Variants in PAX5 observed in about 807,000 individuals in gnomAD.
The protein encoded by PAX5 is paired box 5, also known as paired box protein Pax-5.
Under a neutral mutation model 43.7 loss-of-function variants are expected in PAX5, and 9 were observed. The observed-to-expected ratio is 0.21, with a 90% CI of 0.12 to 0.36. PAX5 has a LOEUF of 0.36. PAX5 is among the 10% of genes least tolerant of loss of function. PAX5 has a pLI of 1.00. For synonymous variants in PAX5, 228 were observed against 214.3 expected, an observed-to-expected ratio of 1.06 and a Z score of -0.56; for missense variants, 383 against 532.7, an observed-to-expected ratio of 0.72 and a Z score of 2.77.
intron 8 of PAX5, among the ~76,000 whole-genome samples, chr9:36,849,466 C>A (rs1822927991): frequency 6.6e-6 from 1 of 152,200 alleles, no homozygotes; most frequent in Non-Finnish European, 1.5e-5. Flanking sequence ...TTGATCCCAA[C>A]CTCTAGCACA....
intron 6 of PAX5, among the ~76,000 whole-genome samples, chr9:36,952,712 A>G (rs60670686): frequency 0.12 from 18,585 of 152,092 alleles, 1,665 homozygotes; most frequent in African/African-American, 0.25. Context: ...TTCACCTTCA[A>G]ATGATACTAT....
At chr9:37,000,679 G>A (rs1837768120) in intron 5 of PAX5, among the ~76,000 whole-genome samples, 2 of 152,168 alleles carry the variant, frequency 1.3e-5, no homozygotes, top group South Asian at 4.1e-4. Flanking sequence ...CCCAACAAGT[G>A]GCCACTTAGT....
chr9:37,033,697 C>A (rs1273674792), intron 1 of PAX5, among the ~76,000 whole-genome samples: 3 of 152,038 alleles, frequency 2.0e-5, no homozygotes, highest in African/African-American at 7.3e-5. Flanking sequence ...CTGTAATGAA[C>A]ACACTGAGTC....
intron 5 of PAX5, among the ~76,000 whole-genome samples, chr9:36,977,285 C>A (rs997510792): frequency 1.2e-4 from 15 of 124,148 alleles, no homozygotes; most frequent in Non-Finnish European, 2.3e-4. Context: ...AATAACTTGC[C>A]TAGTCACAAG....
intron 5 of PAX5, among the ~76,000 whole-genome samples, chr9:36,991,439 G>A (rs535072291): frequency 6.6e-6 from 1 of 152,052 alleles, no homozygotes; most frequent in Admixed American, 6.6e-5. Context: ...ACTTGGCCAA[G>A]GTCACACAGC....
chr9:36,913,978 C>G (rs894232488), intron 7 of PAX5, among the ~76,000 whole-genome samples: 3 of 152,142 alleles, frequency 2.0e-5, no homozygotes, highest in East Asian at 1.9e-4. Flanking sequence ...GAGCCCCCCA[C>G]CCCCCAACAG....
intron 4 of PAX5, 81 bp from the exon 5 acceptor site, chr9:37,002,857 G>A (rs1052300131): frequency 1.3e-5 from 20 of 1,501,944 alleles, no homozygotes; most frequent in Non-Finnish European, 1.4e-5. Flanking sequence ...GAGGCTGGGG[G>A]CGGCTGGGAG....
chr9:36,947,450 C>A (rs973571634), intron 6 of PAX5, among the ~76,000 whole-genome samples: 4 of 151,994 alleles, frequency 2.6e-5, no homozygotes, highest in African/African-American at 9.7e-5. Context: ...AGGCTGGAGT[C>A]CAGTGGCATG....
At chr9:37,014,336 T>C (rs1839210732) in intron 3 of PAX5, among the ~76,000 whole-genome samples, 1 of 152,188 alleles carries the variant, frequency 6.6e-6, no homozygotes, top group South Asian at 2.1e-4. Context: ...TGAGATTCCA[T>C]GTATGAGTTG....
In PAX5 at chr9:36,882,163, T is replaced by TC. The variant is rs1826488375; in HGVS notation, c.911-59dup. The TC allele has an allele frequency of 2.2e-6, 3 of 1,376,582 alleles. No individual in the cohort carries two copies. Among genetic ancestry groups the TC allele is most frequent in the Non-Finnish European group, 3.0e-6 (3 of 1,000,460 alleles). 85.3% of individuals were successfully genotyped at this position (1,376,582 alleles called of 1,614,324 possible). The stretch of plus-strand genomic sequence containing the variant: ...GCATCTTCGCGGCCAGCCGCTCATG[T>TC]CCACAGCTCCCTGGACGCTTCTGCA... On this transcript the variant is annotated intron_variant, in intron 7 of 9. Transcript: ENST00000358127. The surrounding 1 kb of genome is among the most constrained non-coding windows in gnomAD (Gnocchi z 4.4).
At position 36,836,595 on chromosome 9, in the gene PAX5, C is replaced by T. The variant is rs1821657753; in HGVS notation, c.*3965G>A. On this transcript the variant is annotated 3_prime_UTR_variant, in exon 10 of 10. Transcript: ENST00000358127. ...GCATCTCGGGCACTGCTGCACCGTA[C>T]TGTCTGGTGCGCTGCCCGAGTGGCA... The T allele has an allele frequency of 8.6e-6, 2 of 232,872 alleles. No individual in the cohort carries two copies. Among genetic ancestry groups the T allele is most frequent in the Admixed American group, 5.6e-5 (1 of 17,778 alleles). The allele number at this position is 232,872 out of a possible 1,614,324, so 14.4% of individuals were successfully genotyped here. A position where few individuals can be genotyped will look rare whatever the true frequency, so the allele number is the denominator to read the frequency against.
intron 5 of PAX5, among the ~76,000 whole-genome samples, chr9:36,970,783 C>T (rs1292877863): frequency 2.0e-5 from 3 of 152,152 alleles, no homozygotes; most frequent in Admixed American, 1.3e-4. Context: ...AGGATGCCTT[C>T]CTTCATGCCC....
chr9:36,888,696 A>C (rs566028686), intron 7 of PAX5, among the ~76,000 whole-genome samples: 152 of 152,348 alleles, frequency 1.0e-3, no homozygotes, highest in African/African-American at 3.5e-3. Context: ...CAGGCTGGGC[A>C]GAGGCACGCT....
At chr9:36,969,761 C>T (rs1391887434) in intron 5 of PAX5, among the ~76,000 whole-genome samples, 2 of 152,242 alleles carry the variant, frequency 1.3e-5, no homozygotes, top group African/African-American at 4.8e-5. Flanking sequence ...GGTGGGTGGA[C>T]TGCCCTCGAA....
Position 37,015,464 on chromosome 9 carries a change from TAAC to T in PAX5, c.213-273_213-271del, listed in dbSNP as rs1201947486. Reference sequence around the variant, plus strand: ...TTTTGATATTAGTTGTATGTTGAAATAACAATTTTTATATATTGAGTTAAAATA... The same window carrying T: ...TTTTGATATTAGTTGTATGTTGAAATAATTTTTATATATTGAGTTAAAATA... On this transcript the variant is annotated intron_variant, in intron 2 of 9. Coordinates refer to ENST00000358127, the MANE Select transcript of PAX5 (RefSeq NM_016734.3). This position sits in a 1 kb window ranked among gnomAD's most constrained non-coding sequence, Gnocchi z 4.4. Among the ~76,000 whole-genome samples, 1 of 152,206 alleles carries T rather than the reference TAAC, an allele frequency of 6.6e-6. No individual in the cohort carries two copies. Among genetic ancestry groups the T allele is most frequent in the African/African-American group, 2.4e-5 (1 of 41,462 alleles).
At chr9:36,843,855 T>C (rs940654682) in intron 9 of PAX5, among the ~76,000 whole-genome samples, 2 of 152,162 alleles carry the variant, frequency 1.3e-5, no homozygotes, top group African/African-American at 4.8e-5. Flanking sequence ...GGACAGAGCT[T>C]CTGGTGCCCA....
intron 1 of PAX5, among the ~76,000 whole-genome samples, chr9:37,024,446 G>A (rs921943162): frequency 1.3e-5 from 2 of 152,160 alleles, no homozygotes; most frequent in Non-Finnish European, 2.9e-5. Context: ...GACGAAGTGG[G>A]ACTTGATCTG....
At chr9:36,962,510 A>G (rs1564014321) in intron 6 of PAX5, among the ~76,000 whole-genome samples, 1 of 152,234 alleles carries the variant, frequency 6.6e-6, no homozygotes, top group Non-Finnish European at 1.5e-5. Flanking sequence ...GAGAGGATGG[A>G]TGTGAACGGT....
intron 8 of PAX5, among the ~76,000 whole-genome samples, chr9:36,854,616 CA>C (rs779586954): frequency 6.6e-4 from 100 of 152,304 alleles, no homozygotes; most frequent in Non-Finnish European, 1.2e-3. Context: ...GCACCCACGC[CA>C]AGCCTCTCCC....
Sources: gnomAD v4.1 joint callset for allele counts (sites outside exome capture counted in the v4.1 genomes callset) on GRCh38, gnomAD v4.1.1 for gene constraint, Gnocchi (gnomAD v3.1) non-coding constraint, MANE v1.5 for transcripts, NCBI Gene and HGNC (gene_info 2026-07-23, HGNC 2026-07-21) for gene names.